The following EIF4G3 variants were observed in gnomAD, a reference collection of about 807,000 sequenced individuals.
EIF4G3 encodes the protein eIF-4-gamma 3.
A neutral mutation model predicts 186.4 loss-of-function variants in EIF4G3; 34 were observed. The ratio of observed to expected loss-of-function variants is 0.18; its 90% CI spans 0.14 to 0.24. The LOEUF (loss-of-function observed/expected upper bound fraction) is 0.24, where lower values mean the gene tolerates loss of function less well. Among genes scored for constraint, EIF4G3 ranks in the 10% least tolerant of loss-of-function variants. The pLI is 1.00. For synonymous variants in EIF4G3, 673 were observed against 679.5 expected, an observed-to-expected ratio of 0.99 and a Z score of 0.15; for missense variants, 1,536 against 1,948.5, an observed-to-expected ratio of 0.79 and a Z score of 3.99.
intron 4 of EIF4G3, among the ~76,000 whole-genome samples, chr1:21,019,937 T>C (rs2090272717): frequency 6.6e-6 from 1 of 152,010 alleles, no homozygotes; most frequent in Non-Finnish European, 1.5e-5. Flanking sequence ...AGAAACACTA[T>C]AAATAATTAA....
In EIF4G3 at chr1:20,942,159, C is replaced by G. The variant is rs774955989; in HGVS notation, c.995G>C (p.Arg332Pro). 3.1e-6 allele frequency: 5 copies of G among 1,613,886 alleles called. No homozygotes were observed. The Admixed American group carries it at 8.3e-5, about 27-fold the overall frequency. ...PSPTTVSSVA[R>P]STIAAPTSSA... Reference sequence around the variant, plus strand: ...AGAGGTGGGGGCTGCAATTGTACTTCGAGCAACAGAAGAAACAGTGGTAGG... The same window carrying G: ...AGAGGTGGGGGCTGCAATTGTACTTGGAGCAACAGAAGAAACAGTGGTAGG... Residue 332 changes from arginine (R) to proline (P), a missense_variant, in exon 14 of 37, where the codon CGA becomes CCA. Coordinates refer to ENST00000602326, the MANE Select transcript of EIF4G3 (RefSeq NM_001391906.1).
intron 33 of EIF4G3, among the ~76,000 whole-genome samples, chr1:20,819,443 ATATTTATTTATT>A (rs71585785): frequency 1.3e-4 from 19 of 145,232 alleles, no homozygotes; most frequent in African/African-American, 3.6e-4. Context: ...CTGAAGTCTC[ATATTTATTTATT>A]TATTTATTTA....
At chr1:20,985,136 C>A (rs2079169643) in intron 7 of EIF4G3, among the ~76,000 whole-genome samples, 1 of 152,160 alleles carries the variant, frequency 6.6e-6, no homozygotes, top group African/African-American at 2.4e-5. Context: ...TTTACAAACA[C>A]TGAAAGGATG....
intron 4 of EIF4G3, among the ~76,000 whole-genome samples, chr1:21,038,879 T>C (rs1027197753): frequency 6.6e-6 from 1 of 152,174 alleles, no homozygotes; most frequent in Non-Finnish European, 1.5e-5. Flanking sequence ...TTATGAAACA[T>C]ATTTTTTTTT....
chr1:21,078,020 C>T (rs1164057949), intron 3 of EIF4G3, among the ~76,000 whole-genome samples: 1 of 152,040 alleles, frequency 6.6e-6, no homozygotes, highest in Non-Finnish European at 1.5e-5. Flanking sequence ...TACAATAGAT[C>T]TACCATATGA....
intron 14 of EIF4G3, 80 bp downstream of exon 14, chr1:20,941,411 A>G: frequency 6.2e-7 from 1 of 1,610,420 alleles, no homozygotes. Flanking sequence ...AGTCAAGGAA[A>G]GTAGCCAATT....
At chr1:20,951,566 C>A (rs1331267868) in intron 12 of EIF4G3, among the ~76,000 whole-genome samples, 3 of 152,066 alleles carry the variant, frequency 2.0e-5, no homozygotes, top group Admixed American at 6.6e-5. Context: ...ACTAAAAATA[C>A]CGATTTTTCA....
chr1:21,101,626 A>G (rs1185175740), intron 2 of EIF4G3, among the ~76,000 whole-genome samples: 2 of 134,984 alleles, frequency 1.5e-5, no homozygotes, highest in Admixed American at 7.4e-5. Flanking sequence ...ACAAAGAAAG[A>G]AAGGAAGGAA....
At chr1:20,916,809 T>C (rs947432451) in intron 14 of EIF4G3, among the ~76,000 whole-genome samples, 1 of 152,178 alleles carries the variant, frequency 6.6e-6, no homozygotes, top group African/African-American at 2.4e-5. Context: ...CGACTCTCAT[T>C]ATGTATGCAC....
intron 3 of EIF4G3, among the ~76,000 whole-genome samples, chr1:21,069,637 T>C (rs2100231868): frequency 6.6e-6 from 1 of 152,336 alleles, no homozygotes; most frequent in South Asian, 2.1e-4. Flanking sequence ...AGTTATTTTG[T>C]ACTTAGGAAA....
chr1:21,024,799 T>C (rs2091792885), intron 4 of EIF4G3, among the ~76,000 whole-genome samples: 1 of 149,272 alleles, frequency 6.7e-6, no homozygotes, highest in Non-Finnish European at 1.5e-5. Context: ...AGACCTTTGT[T>C]CACTTGTTTA....
At position 20,994,399 on chromosome 1, in the gene EIF4G3, G is replaced by A. The variant is rs182168334; in HGVS notation, c.177+3202C>T. 2.5e-3 allele frequency among the ~76,000 whole-genome samples: 380 copies of A among 152,170 alleles called. 1 individual carries two copies. The highest frequency in any genetic ancestry group is 3.2e-3 in the Non-Finnish European group (221 of 68,016). ...ATTACTGTTGCTGCCTGAGGCAAGGGTACAGACATCCTTATTCAATTCTCT... is the reference window on the plus strand; with the variant it reads ...ATTACTGTTGCTGCCTGAGGCAAGGATACAGACATCCTTATTCAATTCTCT... On this transcript the variant is annotated intron_variant, in intron 7 of 36. Coordinates refer to ENST00000602326, the MANE Select transcript of EIF4G3 (RefSeq NM_001391906.1).
chr1:20,992,567 G>A (rs959121491), intron 7 of EIF4G3, among the ~76,000 whole-genome samples: 2 of 152,054 alleles, frequency 1.3e-5, no homozygotes, highest in Non-Finnish European at 2.9e-5. Context: ...GATAGTGTAC[G>A]CTGGTTTTAT....
intron 11 of EIF4G3, among the ~76,000 whole-genome samples, chr1:20,971,893 A>G (rs2075965747): frequency 6.6e-6 from 1 of 152,190 alleles, no homozygotes; most frequent in African/African-American, 2.4e-5. Context: ...CTCGGCCTCC[A>G]AAGTGCTGGG....
chr1:21,067,135 T>C (rs2095272507), intron 3 of EIF4G3, among the ~76,000 whole-genome samples: 1 of 148,326 alleles, frequency 6.7e-6, no homozygotes. Flanking sequence ...TCTTTTCTTT[T>C]TTTTTTTTTT....
intron 4 of EIF4G3, among the ~76,000 whole-genome samples, chr1:21,036,004 C>G (rs749725433): frequency 1.3e-5 from 2 of 152,190 alleles, no homozygotes; most frequent in Non-Finnish European, 2.9e-5. Flanking sequence ...GCTACCCTCT[C>G]TAGGGCCTCC....
At chr1:20,980,888 A>G (rs905736046) in intron 9 of EIF4G3, among the ~76,000 whole-genome samples, 160 bp downstream of exon 9, 13 of 152,262 alleles carry the variant, frequency 8.5e-5, no homozygotes, top group African/African-American at 2.9e-4. Flanking sequence ...TTCACACAGC[A>G]TAATGAAAAA....
chr1:20,895,808 A>G (rs2087791701), intron 16 of EIF4G3, among the ~76,000 whole-genome samples: 1 of 152,236 alleles, frequency 6.6e-6, no homozygotes, highest in Admixed American at 6.5e-5. Context: ...TCATAGTAAC[A>G]AGAAATAACT....
At chr1:21,007,997 T>C (rs938995437) in intron 4 of EIF4G3, among the ~76,000 whole-genome samples, 14 of 152,310 alleles carry the variant, frequency 9.2e-5, no homozygotes, top group Middle Eastern at 6.8e-3. Context: ...AATACAAATA[T>C]GCCAAGCAAG....
Sources: gnomAD v4.1 joint callset for allele counts (sites outside exome capture counted in the v4.1 genomes callset) on GRCh38, gnomAD v4.1.1 for gene constraint, MANE v1.5 for transcripts, NCBI Gene and HGNC (gene_info 2026-07-23, HGNC 2026-07-21) for gene names.